TBCK: variants seen among roughly 807,000 people sequenced by gnomAD.
The protein encoded by TBCK is TBC domain-containing protein kinase-like protein.
A neutral mutation model predicts 113.4 loss-of-function variants in TBCK; 99 were observed. The ratio of observed to expected loss-of-function variants is 0.87; its 90% CI spans 0.74 to 1.03. The LOEUF is 1.03. Among genes scored for constraint, TBCK ranks in the 50% least tolerant of loss-of-function variants. The pLI, the probability that TBCK is intolerant of heterozygous loss-of-function variation, is 0.00. For synonymous variants in TBCK, 369 were observed against 370.8 expected, an observed-to-expected ratio of 1.00 and a Z score of 0.05; for missense variants, 1,045 against 1,061.3, an observed-to-expected ratio of 0.98 and a Z score of 0.21.
At position 106,046,588 on chromosome 4, in the gene TBCK, G is replaced by C. The variant is rs1044529477; in HGVS notation, c.2664C>G (p.Ile888Met). Residue 888 changes from isoleucine (I) to methionine (M), a missense_variant, in exon 26 of 26, where the codon ATC (isoleucine) becomes ATG (methionine). Coordinates refer to ENST00000394708, the MANE Select transcript of TBCK (RefSeq NM_001163435.3). ...NKIKPTGLLT[I>M]PSPQI ...TGGTTCTTCATATTTGAGGAGATGG[G>C]ATGGTGAGGAGGCCTGTTGGCTTTA... The C allele has an allele frequency of 6.2e-7, 1 of 1,601,950 alleles. No homozygotes were observed. Among genetic ancestry groups the C allele is most frequent in the Non-Finnish European group, 8.6e-7 (1 of 1,169,084 alleles).
At chr4:106,135,234 A>G (rs1424620872) in intron 23 of TBCK, among the ~76,000 whole-genome samples, 1 of 151,370 alleles carries the variant, frequency 6.6e-6, no homozygotes, top group Non-Finnish European at 1.5e-5. Context: ...ATATATAGAT[A>G]TTTTATATAT....
intron 25 of TBCK, among the ~76,000 whole-genome samples, chr4:106,067,065 A>G (rs900991880): frequency 5.3e-5 from 8 of 152,046 alleles, no homozygotes; most frequent in Non-Finnish European, 4.4e-5. Flanking sequence ...GCAATTCCAT[A>G]TTTACTTTTT....
In TBCK at chr4:106,302,519, T is replaced by C. The variant is rs1767056217; in HGVS notation, c.193+6249A>G. 2.0e-5 allele frequency among the ~76,000 whole-genome samples: 3 copies of C among 152,018 alleles called. No individual in the cohort carries two copies. The South Asian group carries it at 6.2e-4, about 32-fold the overall frequency. On this transcript the variant is annotated intron_variant, in intron 2 of 25. Transcript: ENST00000394708. The stretch of plus-strand genomic sequence containing the variant: ...GGAGCTTTAGAACTATTTTGTCAAT[T>C]GAGAAAAGGAGGCCTAGGAACAGAG...
At chr4:106,278,558 CAAA>C (rs376599844) in intron 3 of TBCK, among the ~76,000 whole-genome samples, 1 of 22,136 alleles carries the variant, frequency 4.5e-5, no homozygotes, top group Non-Finnish European at 8.4e-5. Context: ...AACTCTGTCT[CAAA>C]AAAAAAAAAA....
intron 25 of TBCK, among the ~76,000 whole-genome samples, chr4:106,075,547 A>G (rs1320033172): frequency 6.6e-6 from 1 of 152,158 alleles, no homozygotes; most frequent in Non-Finnish European, 1.5e-5. Flanking sequence ...TTAAACTTTT[A>G]TTTTTACTAG....
chr4:106,283,001 G>A (rs938044656), intron 3 of TBCK, among the ~76,000 whole-genome samples: 2 of 152,062 alleles, frequency 1.3e-5, no homozygotes, highest in Non-Finnish European at 2.9e-5. Flanking sequence ...AAGAAATTGA[G>A]AGTTCATTTC....
intron 3 of TBCK, among the ~76,000 whole-genome samples, chr4:106,269,579 G>A (rs1037446056): frequency 6.6e-6 from 1 of 152,144 alleles, no homozygotes. Context: ...CTAAATTTAA[G>A]AATGTATTTG....
chr4:106,165,624 TA>T (rs1040449653), intron 23 of TBCK, among the ~76,000 whole-genome samples: 1 of 151,594 alleles, frequency 6.6e-6, no homozygotes, highest in African/African-American at 2.4e-5. Flanking sequence ...GACTGCAAAG[TA>T]AAAAAAATTA....
chr4:106,283,132 TA>T (rs1009104396), intron 3 of TBCK, among the ~76,000 whole-genome samples: 11 of 151,132 alleles, frequency 7.3e-5, no homozygotes, highest in Non-Finnish European at 1.5e-4. Context: ...AGCACATGAT[TA>T]AAAAAAAAGA....
At chr4:106,175,550 T>C (rs561402226) in intron 22 of TBCK, among the ~76,000 whole-genome samples, 1 of 152,082 alleles carries the variant, frequency 6.6e-6, no homozygotes, top group South Asian at 2.1e-4. Flanking sequence ...GATATGACCA[T>C]AGGAGGGGCC....
At chr4:106,198,796 C>T (rs1027856229) in intron 20 of TBCK, among the ~76,000 whole-genome samples, 12 of 151,968 alleles carry the variant, frequency 7.9e-5, no homozygotes, top group African/African-American at 2.7e-4. Context: ...CTAAATGCCA[C>T]GTGTCCCACT....
intron 22 of TBCK, among the ~76,000 whole-genome samples, chr4:106,190,639 A>G (rs1053712951): frequency 1.4e-4 from 22 of 152,272 alleles, no homozygotes; most frequent in African/African-American, 3.4e-4. Flanking sequence ...TACATAAAAT[A>G]TAAGTGTGAA....
intron 3 of TBCK, among the ~76,000 whole-genome samples, chr4:106,266,651 C>T (rs1763023281): frequency 6.6e-6 from 1 of 151,816 alleles, no homozygotes; most frequent in African/African-American, 2.4e-5. Context: ...CGTTTCTTAG[C>T]TATTACTTGA....
chr4:106,091,025 C>T (rs759027259), intron 25 of TBCK, among the ~76,000 whole-genome samples: 2 of 152,318 alleles, frequency 1.3e-5, no homozygotes, highest in South Asian at 4.1e-4. Flanking sequence ...AACAGCAACA[C>T]CCCACTCCTG....
rs141777567 is a variant in TBCK, at chr4:106,260,852, G to C, written c.382-342C>G. On this transcript the variant is annotated intron_variant, in intron 4 of 25. Transcript: ENST00000394708. ...CATTCTCATCTGTCTTGAAACCTTG[G>C]TTAGAATGTTTTGTGGTAATTTTCA... Among the ~76,000 whole-genome samples, 317 of 151,962 alleles carry C rather than the reference G, an allele frequency of 2.1e-3. 1 individual carries two copies. The highest frequency in any genetic ancestry group is 7.3e-3 in the African/African-American group (302 of 41,470).
At chr4:106,219,550 AT>A (rs1227343074) in intron 19 of TBCK, among the ~76,000 whole-genome samples, 1 of 151,986 alleles carries the variant, frequency 6.6e-6, no homozygotes, top group Non-Finnish European at 1.5e-5. Context: ...GAATATGTTC[AT>A]TTTTTTCATT....
At chr4:106,216,558 A>G (rs1169569325) in intron 19 of TBCK, among the ~76,000 whole-genome samples, 3 of 152,258 alleles carry the variant, frequency 2.0e-5, no homozygotes, top group African/African-American at 7.2e-5. Context: ...CCACAGAAAT[A>G]CAAACTACCA....
chr4:106,139,017 T>C (rs1043876936), intron 23 of TBCK, among the ~76,000 whole-genome samples: 2 of 140,928 alleles, frequency 1.4e-5, no homozygotes, highest in Admixed American at 7.0e-5. Context: ...AGGTACAATC[T>C]TGAATTGGGC....
chr4:106,316,580 G>C (rs1488104714), upstream of TBCK: 2 of 1,551,540 alleles, frequency 1.3e-6, no homozygotes, highest in Non-Finnish European at 1.7e-6. Context: ...CGGAACCCGT[G>C]GTCCTCCGCT....
Sources: gnomAD v4.1 joint callset for allele counts (sites outside exome capture counted in the v4.1 genomes callset) on GRCh38, gnomAD v4.1.1 for gene constraint, MANE v1.5 for transcripts, NCBI Gene and HGNC (gene_info 2026-07-23, HGNC 2026-07-21) for gene names.